Variants in WDFY4 observed in about 807,000 individuals in gnomAD.
The protein encoded by WDFY4 is WD repeat- and FYVE domain-containing protein 4.
In WDFY4, 169 loss-of-function variants were observed where a neutral mutation model predicts 351.9. The observed-to-expected ratio is 0.48, with a 90% confidence interval of 0.42 to 0.55. The LOEUF (loss-of-function observed/expected upper bound fraction) is 0.55, where lower values mean the gene tolerates loss of function less well. Among genes scored for constraint, WDFY4 ranks in the 20% least tolerant of loss-of-function variants. WDFY4 has a pLI of 0.00. For missense variants in WDFY4, 3,803 were observed against 3,935.6 expected (o/e 0.97, Z 0.90); for synonymous variants, 1,622 against 1,574.6 (o/e 1.03, Z -0.71).
intron 24 of WDFY4, among the ~76,000 whole-genome samples, chr10:48,800,210 C>G (rs2067018885): frequency 6.6e-6 from 1 of 152,146 alleles, no homozygotes; most frequent in Non-Finnish European, 1.5e-5. Flanking sequence ...ATGGAAGAGA[C>G]TTAAGTCTGT....
At chr10:48,823,373 G>T in intron 35 of WDFY4, 2 of 1,246,566 alleles carry the variant, frequency 1.6e-6, no homozygotes, top group Non-Finnish European at 2.1e-6. Flanking sequence ...AGCAGTCCTG[G>T]TTATGCCCTC....
At chr10:48,869,589 C>T (rs920033388) in intron 40 of WDFY4, among the ~76,000 whole-genome samples, 4 of 151,736 alleles carry the variant, frequency 2.6e-5, no homozygotes, top group Non-Finnish European at 5.9e-5. Flanking sequence ...GTTGCCTCTA[C>T]AGTCTGGCCC....
intron 24 of WDFY4, 93 bp from the exon 25 acceptor site, chr10:48,803,193 G>A: frequency 2.4e-6 from 3 of 1,225,396 alleles, no homozygotes; most frequent in Non-Finnish European, 3.5e-6. Context: ...CACGTCAGAG[G>A]ATCACCTGTC....
At chr10:48,915,836 C>A (rs1270825830) in intron 47 of WDFY4, among the ~76,000 whole-genome samples, 3 of 152,138 alleles carry the variant, frequency 2.0e-5, no homozygotes, top group Non-Finnish European at 4.4e-5. Context: ...TTTACACAGG[C>A]CTTGTAAGCT....
At chr10:48,686,028 G>A (rs558078396) in intron 1 of WDFY4, among the ~76,000 whole-genome samples, 6 of 152,172 alleles carry the variant, frequency 3.9e-5, no homozygotes, top group South Asian at 2.1e-4. Context: ...AGGAGACCTC[G>A]TGGAGGTTGG....
chr10:48,810,611 T>G lies in WDFY4; in HGVS notation c.4920T>G (p.Thr1640=), dbSNP rs996354317. Residue 1640 remains threonine (T), a synonymous_variant, in exon 29 of 62, where the codon ACT becomes ACG. Transcript: ENST00000325239. ...LLQGHLHAST[T]VLALKLLLYF... is the part of the protein sequence containing the mutation. Reference sequence around the variant, plus strand: ...AGGGCCACCTGCATGCCAGCACCACTGTGCTGGCATTGAAGCTGCTGCTGT... The same window carrying G: ...AGGGCCACCTGCATGCCAGCACCACGGTGCTGGCATTGAAGCTGCTGCTGT... The G allele has an allele frequency of 1.3e-6, 2 of 1,550,652 alleles. No individual in the cohort carries two copies. Among genetic ancestry groups the G allele is most frequent in the South Asian group, 1.2e-5 (1 of 84,016 alleles).
intron 1 of WDFY4, among the ~76,000 whole-genome samples, chr10:48,686,059 G>GAT: frequency 6.6e-6 from 1 of 152,198 alleles, no homozygotes; most frequent in South Asian, 2.1e-4. Flanking sequence ...CCGGGTAAGG[G>GAT]GCATGCCTGG....
chr10:48,913,561 A>G (rs771494030), intron 47 of WDFY4: 6 of 1,614,028 alleles, frequency 3.7e-6, no homozygotes, highest in East Asian at 2.2e-5. Flanking sequence ...TCCACAACAT[A>G]CAAGTTCTCC....
chr10:48,733,842 C>T, intron 9 of WDFY4, 89 bp from the exon 10 acceptor site: 1 of 1,161,428 alleles, frequency 8.6e-7, no homozygotes, highest in Non-Finnish European at 1.2e-6. Context: ...ATTCACATCT[C>T]CTTAAGAGGA....
At chr10:48,780,152 A>G in intron 19 of WDFY4, 33 bp downstream of exon 19, 1 of 1,550,330 alleles carries the variant, frequency 6.5e-7, no homozygotes, top group Non-Finnish European at 8.7e-7. Context: ...CACTTGCCCC[A>G]CAACCATACC....
At chr10:48,932,600 T>C (rs1407671370) in intron 47 of WDFY4, 1 of 150,876 alleles carries the variant, frequency 6.6e-6, no homozygotes, top group Non-Finnish European at 1.5e-5. Flanking sequence ...AGCAAGGCTA[T>C]ACCTTTGTGT....
chr10:48,867,877 A>C (rs2069608639), intron 40 of WDFY4, among the ~76,000 whole-genome samples: 1 of 152,228 alleles, frequency 6.6e-6, no homozygotes, highest in Non-Finnish European at 1.5e-5. Flanking sequence ...TTATTTACCC[A>C]GCAATTTCTT....
At chr10:48,807,379 A>G (rs940579951) in intron 27 of WDFY4, among the ~76,000 whole-genome samples, 14 of 152,232 alleles carry the variant, frequency 9.2e-5, no homozygotes, top group African/African-American at 3.4e-4. Context: ...CCCTTGCTCC[A>G]TATACCTCTG....
chr10:48,951,063 A>G (rs571573220), intron 51 of WDFY4, among the ~76,000 whole-genome samples: 2 of 152,182 alleles, frequency 1.3e-5, no homozygotes, highest in Non-Finnish European at 1.5e-5. Context: ...GAGACCCCCT[A>G]TTGCTGTGCG....
rs1214426871 is a variant in WDFY4, at chr10:48,966,523, T to C, written c.8437-3T>C. 6.4e-6 allele frequency: 10 copies of C among 1,551,732 alleles called. No individual in the cohort carries two copies. The highest frequency in any genetic ancestry group is 3.3e-4 in the Middle Eastern group (2 of 6,016). On this transcript the variant is annotated splice_polypyrimidine_tract_variant and splice_region_variant and intron_variant, in intron 54 of 61. Coordinates refer to ENST00000325239, the MANE Select transcript of WDFY4 (RefSeq NM_001394531.1). ...CATGTGTGTCTGTTCCCTGTCTCTC[T>C]AGCTCTTTACCAAACCTCACCCAGC... is the stretch of plus-strand genomic sequence containing the variant.
intron 47 of WDFY4, among the ~76,000 whole-genome samples, chr10:48,903,450 C>T (rs1260599169): frequency 2.0e-5 from 3 of 152,124 alleles, no homozygotes; most frequent in African/African-American, 7.2e-5. Flanking sequence ...TTGCAGTAAT[C>T]CAGGTGAGAG....
rs369411694 is a variant in WDFY4 at position 48,826,896 on chromosome 10, C to G, written c.6208C>G (p.Leu2070Val). The G allele has an allele frequency of 2.6e-5, 40 of 1,551,466 alleles. No individual in the cohort carries two copies. The highest frequency in any genetic ancestry group is 5.2e-6 in the Non-Finnish European group (6 of 1,146,932). The change falls in exon 36 of 62, where the codon CTC becomes GTC. Residue 2070 changes from leucine to valine, a missense_variant. Coordinates refer to ENST00000325239, the MANE Select transcript of WDFY4 (RefSeq NM_001394531.1). Reference protein sequence around the residue: ...LLCLMHCLLLLNERSYPEGFG... With the variant: ...LLCLMHCLLLVNERSYPEGFG... ...GTGTCTCATGCATTGCCTTTTGCTA[C>G]TCAATGAGAGAAGGTAAGAGCTGCC...
At chr10:48,830,193 G>T (rs1186171641) in intron 37 of WDFY4, among the ~76,000 whole-genome samples, 2 of 152,206 alleles carry the variant, frequency 1.3e-5, no homozygotes, top group African/African-American at 4.8e-5. Flanking sequence ...AAATGGGTGG[G>T]TAGTGAGAAG....
chr10:48,696,137 C>T (rs546722119), intron 1 of WDFY4, among the ~76,000 whole-genome samples: 2 of 152,224 alleles, frequency 1.3e-5, no homozygotes, highest in Non-Finnish European at 2.9e-5. Flanking sequence ...GGGCCCTGGG[C>T]CCTGCCATTC....
Sources: allele counts gnomAD v4.1 joint callset (sites outside exome capture counted in the v4.1 genomes callset), GRCh38; gene constraint gnomAD v4.1.1; transcripts MANE v1.5; gene names NCBI Gene and HGNC (gene_info 2026-07-23, HGNC 2026-07-21).